TF: variants seen among roughly 807,000 people sequenced by gnomAD.
TF encodes the protein serotransferrin.
TF carries 55 observed loss-of-function variants against 82.4 expected under a neutral mutation model. The observed-to-expected ratio is 0.67, with a 90% CI of 0.54 to 0.84. The LOEUF (loss-of-function observed/expected upper bound fraction) is 0.84, where lower values mean the gene tolerates loss of function less well. TF is among the 40% of genes least tolerant of loss of function. The probability of loss-of-function intolerance (pLI) is 0.00; values close to 1 mark genes in which losing one functional copy is unlikely to be tolerated. For synonymous variants in TF, 332 were observed against 332.6 expected (o/e 1.00, Z 0.02); for missense variants, 737 against 868.4 (o/e 0.85, Z 1.90).
the TF span, among the ~76,000 whole-genome samples, chr3:133,695,244 T>C: frequency 8.2e-6 from 1 of 122,218 alleles, no homozygotes; most frequent in Non-Finnish European, 1.7e-5. Context: ...AGGAGCTGGT[T>C]CTTTTTTTTT....
chr3:133,668,112 G>T, the TF span, among the ~76,000 whole-genome samples: 1 of 152,214 alleles, frequency 6.6e-6, no homozygotes, highest in Non-Finnish European at 1.5e-5. Context: ...ACCTTGTTTT[G>T]TATGTGTGAG....
At chr3:133,754,320 GTCTTC>G (rs1464068444) in intron 3 of TF, among the ~76,000 whole-genome samples, 170 bp from the exon 4 acceptor site, 1 of 152,074 alleles carries the variant, frequency 6.6e-6, no homozygotes, top group Non-Finnish European at 1.5e-5. Flanking sequence ...TCCTTCTATG[GTCTTC>G]TCTCTCCCCT....
chr3:133,687,630 G>C, the TF span, among the ~76,000 whole-genome samples: 1 of 152,082 alleles, frequency 6.6e-6, no homozygotes, highest in Non-Finnish European at 1.5e-5. Flanking sequence ...TATCCTTCCT[G>C]TCTCTATAGA....
At chr3:133,662,810 G>A in the TF span, among the ~76,000 whole-genome samples, 2 of 152,094 alleles carry the variant, frequency 1.3e-5, no homozygotes, top group Non-Finnish European at 2.9e-5. Flanking sequence ...ATTATTCACT[G>A]CTGAGATTGA....
chr3:133,746,485 T>G lies in TF; in HGVS notation c.43+2T>G, dbSNP rs1933502225. The G allele has an allele frequency of 6.3e-7, 1 of 1,597,358 alleles. No individual in the cohort carries two copies. The highest frequency in any genetic ancestry group is 8.5e-7 in the Non-Finnish European group (1 of 1,176,702). On this transcript the variant is annotated splice_donor_variant, in intron 1 of 16. Coordinates refer to ENST00000402696, the MANE Select transcript of TF (RefSeq NM_001063.4). LOFTEE classifies it high-confidence loss of function. The stretch of plus-strand genomic sequence containing the variant: ...CCCTGCTGGTCTGCGCCGTCCTGGG[T>G]GAGTGCGGGCACGGGGTAGCACCGC...
At chr3:133,734,255 C>T in the TF span, among the ~76,000 whole-genome samples, 3 of 152,090 alleles carry the variant, frequency 2.0e-5, no homozygotes, top group Non-Finnish European at 4.4e-5. Flanking sequence ...CACCTGGCAC[C>T]CAGAATTTGC....
intron 1 of TF, chr3:133,747,256 C>T (rs970718330): frequency 3.9e-5 from 6 of 153,212 alleles, no homozygotes; most frequent in Admixed American, 3.9e-4. Flanking sequence ...CCTTTATCCC[C>T]GCACAGAGCA....
intron 16 of TF, 82 bp downstream of exon 16, chr3:133,777,320 A>T (rs183628946): frequency 1.6e-5 from 22 of 1,392,748 alleles, no homozygotes; most frequent in Non-Finnish European, 3.0e-6. Flanking sequence ...CAGGAGGGGT[A>T]GGCTGTGGCC....
At position 133,783,734 on chromosome 3, in the gene TF, G is replaced by GGGCCCTCC. The variant is rs2107941682; in HGVS notation, c.*5115_*5122dup. 6.6e-6 allele frequency: 1 copy of GGGCCCTCC among 152,384 alleles called. No homozygotes were observed. The highest frequency in any genetic ancestry group is 2.4e-5 in the African/African-American group (1 of 41,588). The allele number at this position is 152,384 out of a possible 1,614,324, so 9.4% of individuals were successfully genotyped here. ...AGATGTGAGCGCGGACAGCTCTGCTGGGCCCTCCAGGCCCTCCGCCCGGTA... is the reference window on the plus strand; with the variant it reads ...AGATGTGAGCGCGGACAGCTCTGCTGGGCCCTCCGGCCCTCCAGGCCCTCCGCCCGGTA... On this transcript the variant is annotated 3_prime_UTR_variant, in exon 17 of 17. Transcript: ENST00000402696.
chr3:133,764,377 C>G, intron 10 of TF, 102 bp downstream of exon 10: 1 of 993,188 alleles, frequency 1.0e-6, no homozygotes, highest in Middle Eastern at 2.1e-4. Context: ...TGCCATAAAG[C>G]TTTCCCTCTC....
In TF at chr3:133,796,373, G is replaced by A. The variant is rs1934972227; in HGVS notation, c.*17753G>A. 6.6e-6 allele frequency: 1 copy of A among 152,192 alleles called. No homozygotes were observed. The highest frequency in any genetic ancestry group is 2.1e-4 in the South Asian group (1 of 4,828). The allele number at this position is 152,192 out of a possible 1,614,324, so 9.4% of individuals were successfully genotyped here. On this transcript the variant is annotated 3_prime_UTR_variant, in exon 17 of 17. Transcript: ENST00000402696. ...GGATCCCATCTCTGGAGGGAAATGAGGCAGAAGAATAGGGTCTGTAGGCAA... is the reference window on the plus strand; with the variant it reads ...GGATCCCATCTCTGGAGGGAAATGAAGCAGAAGAATAGGGTCTGTAGGCAA...
At chr3:133,754,352 T>G in intron 3 of TF, 143 bp from the exon 4 acceptor site, 2 of 814,094 alleles carry the variant, frequency 2.5e-6, no homozygotes, top group Middle Eastern at 3.4e-4. Flanking sequence ...CTAGGAAGGT[T>G]TTCCTGATTC....
At chr3:133,706,329 G>C in the TF span, among the ~76,000 whole-genome samples, 1 of 152,226 alleles carries the variant, frequency 6.6e-6, no homozygotes, top group Non-Finnish European at 1.5e-5. Context: ...GCTGGAGCTT[G>C]ATGGCAGGGG....
chr3:133,755,788 A>T (rs1559870603), intron 5 of TF: 1 of 503,348 alleles, frequency 2.0e-6, no homozygotes, highest in East Asian at 3.8e-5. Context: ...GCCTGAAAGG[A>T]CAATCATGCC....
At chr3:133,730,105 T>A in the TF span, among the ~76,000 whole-genome samples, 74 of 152,332 alleles carry the variant, frequency 4.9e-4, no homozygotes, top group African/African-American at 1.6e-3. Flanking sequence ...GTTCCTCATC[T>A]ACCCAGTGAG....
the TF span, among the ~76,000 whole-genome samples, chr3:133,697,033 ACATGGGTCC>A: frequency 6.6e-6 from 1 of 152,214 alleles, no homozygotes; most frequent in African/African-American, 2.4e-5. Context: ...ATCGCTTTTT[ACATGGGTCC>A]CAGTTCCTTA....
In TF at chr3:133,787,606, G is replaced by A. The variant is rs539291776; in HGVS notation, c.*8986G>A. ...GATGGGAAATACTGTGTTTGCAAGTGGGATTGTTAAATCACCTCTGTGAAC... is the reference window on the plus strand; with the variant it reads ...GATGGGAAATACTGTGTTTGCAAGTAGGATTGTTAAATCACCTCTGTGAAC... On this transcript the variant is annotated 3_prime_UTR_variant, in exon 17 of 17. Transcript: ENST00000402696. 6.6e-6 allele frequency: 1 copy of A among 152,296 alleles called. No homozygotes were observed. Among genetic ancestry groups the A allele is most frequent in the South Asian group, 2.1e-4 (1 of 4,822 alleles). The allele number at this position is 152,296 out of a possible 1,614,324, so 9.4% of individuals were successfully genotyped here.
chr3:133,701,456 T>A, the TF span, among the ~76,000 whole-genome samples: 1 of 152,218 alleles, frequency 6.6e-6, no homozygotes, highest in South Asian at 2.1e-4. Flanking sequence ...TTCTTCTAGC[T>A]TTGCCCTCCA....
the TF span, among the ~76,000 whole-genome samples, chr3:133,725,439 A>G: frequency 6.6e-6 from 1 of 152,052 alleles, no homozygotes; most frequent in Non-Finnish European, 1.5e-5. Context: ...GAGTTCACTC[A>G]TGATTTGGCT....
Sources: allele counts gnomAD v4.1 joint callset (sites outside exome capture counted in the v4.1 genomes callset), GRCh38; gene constraint gnomAD v4.1.1; transcripts MANE v1.5; gene names NCBI Gene and HGNC (gene_info 2026-07-23, HGNC 2026-07-21).